Variants in CTNNA3 observed in about 807,000 individuals in gnomAD.
CTNNA3 encodes catenin alpha-3.
CTNNA3 carries 76 observed loss-of-function variants against 95.7 expected under a neutral mutation model. The observed-to-expected ratio is 0.79, with a 90% CI of 0.66 to 0.96. The LOEUF (loss-of-function observed/expected upper bound fraction) is 0.96, where lower values mean the gene tolerates loss of function less well. Among genes scored for constraint, CTNNA3 ranks in the 40% least tolerant of loss-of-function variants. The probability of loss-of-function intolerance (pLI) is 0.00; values close to 1 mark genes in which losing one functional copy is unlikely to be tolerated. For missense variants in CTNNA3, 1,191 were observed against 1,089.8 expected, an observed-to-expected ratio of 1.09 and a Z score of -1.31; for synonymous variants, 431 against 374.4, an observed-to-expected ratio of 1.15 and a Z score of -1.74.
intron 9 of CTNNA3, among the ~76,000 whole-genome samples, chr10:66,764,756 T>G (rs1315268868): frequency 6.6e-6 from 1 of 152,228 alleles, no homozygotes. Flanking sequence ...CTTTTAACAT[T>G]CTTTGGTGTC....
intron 12 of CTNNA3, among the ~76,000 whole-genome samples, chr10:66,325,011 G>C (rs1300784960): frequency 6.6e-6 from 1 of 151,876 alleles, no homozygotes; most frequent in African/African-American, 2.4e-5. Context: ...AGATTTGCAA[G>C]AGTGGGATAG....
intron 3 of CTNNA3, among the ~76,000 whole-genome samples, chr10:67,585,760 T>C (rs1013639507): frequency 2.0e-5 from 3 of 152,154 alleles, no homozygotes; most frequent in Admixed American, 1.3e-4. Flanking sequence ...ATTTTGTTTA[T>C]CTTTTCAAAA....
intron 11 of CTNNA3, among the ~76,000 whole-genome samples, chr10:66,448,280 G>A (rs1355921973): frequency 3.3e-5 from 5 of 152,122 alleles, no homozygotes; most frequent in Non-Finnish European, 7.4e-5. Flanking sequence ...GATTCCACAG[G>A]GATCTAGAAC....
chr10:67,565,621 A>G (rs1416909467), intron 3 of CTNNA3, among the ~76,000 whole-genome samples: 1 of 144,170 alleles, frequency 6.9e-6, no homozygotes, highest in Non-Finnish European at 1.5e-5. Context: ...CCTGAGCAAA[A>G]AGAACAGAAT....
intron 13 of CTNNA3, among the ~76,000 whole-genome samples, chr10:66,115,592 G>GAT (rs1564660825): frequency 1.7e-3 from 190 of 109,526 alleles, no homozygotes; most frequent in African/African-American, 4.4e-3. Context: ...TAGATAGATA[G>GAT]AGATAGAGAT....
intron 14 of CTNNA3, among the ~76,000 whole-genome samples, chr10:66,101,522 T>C (rs1018968860): frequency 2.2e-4 from 34 of 152,204 alleles, no homozygotes; most frequent in African/African-American, 8.2e-4. Context: ...AACATGGAAC[T>C]TTCCCAAATT....
chr10:66,341,019 A>G (rs146806186), intron 12 of CTNNA3, among the ~76,000 whole-genome samples: 1 of 151,906 alleles, frequency 6.6e-6, no homozygotes, highest in African/African-American at 2.4e-5. Context: ...AACAGACTCC[A>G]AATGTCTTTA....
intron 9 of CTNNA3, among the ~76,000 whole-genome samples, chr10:66,735,433 G>C (rs1253825167): frequency 6.6e-6 from 1 of 151,960 alleles, no homozygotes; most frequent in African/African-American, 2.4e-5. Flanking sequence ...AATTTAGGTA[G>C]TGTATATTTT....
intron 5 of CTNNA3, among the ~76,000 whole-genome samples, chr10:67,493,811 A>G (rs893641216): frequency 7.2e-5 from 11 of 152,182 alleles, no homozygotes; most frequent in Non-Finnish European, 1.5e-4. Flanking sequence ...AGCATGAGGA[A>G]AAGAAGAAAG....
intron 13 of CTNNA3, among the ~76,000 whole-genome samples, chr10:66,129,604 C>T (rs1589491271): frequency 6.6e-6 from 1 of 152,128 alleles, no homozygotes; most frequent in East Asian, 1.9e-4. Flanking sequence ...TAGACCTGGG[C>T]AACCCTCAGT....
intron 5 of CTNNA3, among the ~76,000 whole-genome samples, chr10:67,479,803 G>GT (rs1022288559): frequency 8.6e-5 from 13 of 151,998 alleles, no homozygotes; most frequent in Non-Finnish European, 1.9e-4. Flanking sequence ...CCAAAAGTTG[G>GT]TTTTTTGCAA....
At chr10:66,572,253 C>T (rs760410943) in intron 10 of CTNNA3, among the ~76,000 whole-genome samples, 10 of 151,478 alleles carry the variant, frequency 6.6e-5, no homozygotes, top group East Asian at 5.8e-4. Context: ...TGTGGGGGCA[C>T]GTGCCTGTAA....
chr10:67,080,602 G>C (rs2131877911), intron 7 of CTNNA3, among the ~76,000 whole-genome samples: 1 of 152,110 alleles, frequency 6.6e-6, no homozygotes, highest in East Asian at 1.9e-4. Context: ...TCATCTTATA[G>C]ATGTGCATAG....
At chr10:65,978,628 G>A (rs1013970119) in intron 16 of CTNNA3, among the ~76,000 whole-genome samples, 14 of 152,028 alleles carry the variant, frequency 9.2e-5, no homozygotes, top group African/African-American at 2.9e-4. Flanking sequence ...GTTAGTCCAT[G>A]CCATTTCAGC....
At chr10:66,429,916 G>C (rs900785767) in intron 11 of CTNNA3, among the ~76,000 whole-genome samples, 98 of 151,618 alleles carry the variant, frequency 6.5e-4, no homozygotes, top group Non-Finnish European at 1.2e-3. Flanking sequence ...AATCAGGCAG[G>C]AGAAGGAAAT....
rs763372062 is a variant in CTNNA3 at position 67,647,455 on chromosome 10, G to A, written c.59C>T (p.Thr20Ile). 3.1e-6 allele frequency: 5 copies of A among 1,613,346 alleles called. No homozygotes were observed. In the Admixed American group the frequency reaches 6.7e-5, roughly 22 times the overall value. ...NIDPQDLQVQ[T>I]FTVEKLLEPL... ...CTCCAGTAGCTTCTCCACGGTGAAT[G>A]TTTGGACCTGCAGATCCTGAGGATC... is the stretch of plus-strand genomic sequence containing the variant. The change falls in exon 2 of 18, where the codon ACA becomes ATA. Residue 20 changes from threonine (T) to isoleucine (I), a missense_variant. Physicochemically the swap from Thr to Ile is moderately conservative, Grantham distance 89. Coordinates refer to ENST00000433211, the MANE Select transcript of CTNNA3 (RefSeq NM_013266.4).
intron 9 of CTNNA3, among the ~76,000 whole-genome samples, chr10:66,687,387 A>G (rs1847335936): frequency 6.6e-6 from 1 of 152,154 alleles, no homozygotes; most frequent in African/African-American, 2.4e-5. Context: ...TCATTGGTAC[A>G]TACCCATCCT....
chr10:67,386,060 T>G (rs892138590), intron 5 of CTNNA3, among the ~76,000 whole-genome samples: 1 of 152,158 alleles, frequency 6.6e-6, no homozygotes, highest in Non-Finnish European at 1.5e-5. Flanking sequence ...ATGAAATGCA[T>G]AAAAAGGCAC....
chr10:66,764,524 C>A (rs1839762234), intron 9 of CTNNA3, among the ~76,000 whole-genome samples: 1 of 152,144 alleles, frequency 6.6e-6, no homozygotes, highest in African/African-American at 2.4e-5. Flanking sequence ...GACCAAGGCA[C>A]CCTTCTTCAT....
Sources: gnomAD v4.1 joint callset for allele counts (sites outside exome capture counted in the v4.1 genomes callset) on GRCh38, gnomAD v4.1.1 for gene constraint, MANE v1.5 for transcripts, NCBI Gene and HGNC (gene_info 2026-07-23, HGNC 2026-07-21) for gene names.